EPHA5: variants seen among roughly 807,000 people sequenced by gnomAD.
EPHA5 encodes the protein ephrin type-A receptor 5.
EPHA5 carries 60 observed loss-of-function variants against 105.0 expected under a neutral mutation model. That is an observed-to-expected ratio of 0.57 (90% CI 0.46 to 0.71). The LOEUF (loss-of-function observed/expected upper bound fraction) is 0.71. EPHA5 is among the 30% of genes least tolerant of loss of function. The pLI is 0.00. For missense variants in EPHA5, 1,218 were observed against 1,274.7 expected (o/e 0.96, Z 0.68); for synonymous variants, 513 against 449.1 (o/e 1.14, Z -1.80).
intron 5 of EPHA5, among the ~76,000 whole-genome samples, chr4:65,481,408 TAGG>T (rs1453773744): frequency 6.6e-6 from 1 of 152,188 alleles, no homozygotes; most frequent in Non-Finnish European, 1.5e-5. Flanking sequence ...TTTGGATAAA[TAGG>T]AGGATTCAGG....
intron 3 of EPHA5, among the ~76,000 whole-genome samples, chr4:65,542,678 T>C (rs1401877422): frequency 6.6e-6 from 1 of 151,798 alleles, no homozygotes; most frequent in Non-Finnish European, 1.5e-5. Flanking sequence ...CAAAAACTAT[T>C]GCAAACAATT....
intron 3 of EPHA5, among the ~76,000 whole-genome samples, chr4:65,530,403 C>T (rs1223329670): frequency 1.2e-5 from 1 of 82,702 alleles, no homozygotes; most frequent in Non-Finnish European, 2.4e-5. Flanking sequence ...TGTATGTAAA[C>T]AGGTGTACAT....
chr4:65,324,184 T>C lies in EPHA5; in HGVS notation c.2981A>G (p.His994Arg). The change falls in exon 17 of 17, where the codon CAC (histidine) becomes CGC (arginine). Residue 994 changes from histidine to arginine, a missense_variant. Transcript: ENST00000613740. ...LRRLGVTLVG[H>R]QKKIMNSLQE... ...AAGGCTGTTCATGATCTTCTTCTGG[T>C]GACCGACAAGAGTCACTCCAAGCCG... 1 of 1,609,608 alleles carries C rather than the reference T, an allele frequency of 6.2e-7. No homozygotes were observed. Among genetic ancestry groups the C allele is most frequent in the Non-Finnish European group, 8.5e-7 (1 of 1,177,054 alleles).
intron 3 of EPHA5, among the ~76,000 whole-genome samples, chr4:65,505,444 G>A (rs1215338459): frequency 6.6e-6 from 1 of 151,884 alleles, no homozygotes; most frequent in Non-Finnish European, 1.5e-5. Context: ...AATAAATCCA[G>A]TTTCTTGTGA....
chr4:65,602,388 C>G, intron 2 of EPHA5, 84 bp from the exon 3 acceptor site: 1 of 1,075,964 alleles, frequency 9.3e-7, no homozygotes, highest in South Asian at 1.9e-5. Flanking sequence ...TAAAAGAAAA[C>G]TAACTGAGAT....
At chr4:65,661,468 A>G (rs1027370018) in intron 1 of EPHA5, among the ~76,000 whole-genome samples, 10 of 152,198 alleles carry the variant, frequency 6.6e-5, no homozygotes, top group African/African-American at 2.4e-4. Context: ...TCCTTCAAAC[A>G]CAGCAGTTTT....
intron 3 of EPHA5, among the ~76,000 whole-genome samples, chr4:65,505,999 G>A (rs990283293): frequency 2.0e-5 from 3 of 151,928 alleles, no homozygotes; most frequent in African/African-American, 7.2e-5. Context: ...ATCCCTCCCT[G>A]CTCTGCCCAC....
At chr4:65,420,619 A>G (rs1049685171) in intron 5 of EPHA5, 54 bp from the exon 6 acceptor site, 22 of 1,556,070 alleles carry the variant, frequency 1.4e-5, no homozygotes, top group Non-Finnish European at 1.8e-5. Context: ...CTAAAAGTAA[A>G]CCTGTTATGT....
intron 14 of EPHA5, among the ~76,000 whole-genome samples, chr4:65,343,075 A>G (rs1721886183): frequency 6.6e-6 from 1 of 152,212 alleles, no homozygotes; most frequent in African/African-American, 2.4e-5. Context: ...TGTACTTAGT[A>G]GAATCTATAC....
At chr4:65,668,412 A>G (rs1750143727) in intron 1 of EPHA5, among the ~76,000 whole-genome samples, 1 of 152,060 alleles carries the variant, frequency 6.6e-6, no homozygotes, top group Non-Finnish European at 1.5e-5. Flanking sequence ...CCGAAACCTC[A>G]CCATTCTAGC....
chr4:65,374,495 A>G (rs1718794688), intron 8 of EPHA5, among the ~76,000 whole-genome samples: 1 of 151,958 alleles, frequency 6.6e-6, no homozygotes, highest in Non-Finnish European at 1.5e-5. Context: ...AACATGAAAG[A>G]TCAAAAATTA....
intron 1 of EPHA5, among the ~76,000 whole-genome samples, chr4:65,648,653 C>T (rs914795059): frequency 6.6e-6 from 1 of 152,186 alleles, no homozygotes; most frequent in African/African-American, 2.4e-5. Context: ...TTCTCTTTCT[C>T]TAAAGGCATT....
chr4:65,597,894 A>T (rs185982212), intron 3 of EPHA5, among the ~76,000 whole-genome samples: 1 of 152,264 alleles, frequency 6.6e-6, no homozygotes. Flanking sequence ...GCTGCCTAGC[A>T]TTCTGAATCT....
chr4:65,614,086 TAA>T (rs1210550648), intron 2 of EPHA5, among the ~76,000 whole-genome samples: 7 of 151,964 alleles, frequency 4.6e-5, no homozygotes, highest in Admixed American at 3.3e-4. Context: ...TTAAAAAAAT[TAA>T]GTCTTCACAT....
chr4:65,422,554 C>T (rs1454017633), intron 5 of EPHA5, among the ~76,000 whole-genome samples: 1 of 151,950 alleles, frequency 6.6e-6, no homozygotes, highest in East Asian at 1.9e-4. Context: ...CTATTACTGT[C>T]CCTGTATAAG....
intron 8 of EPHA5, among the ~76,000 whole-genome samples, chr4:65,401,403 A>T (rs13109512): frequency 0.16 from 24,575 of 152,040 alleles, 2,066 homozygotes; most frequent in Middle Eastern, 0.26. Flanking sequence ...AGTTATATTT[A>T]TATAATAAAA....
intron 3 of EPHA5, among the ~76,000 whole-genome samples, chr4:65,566,634 G>A (rs1228335841): frequency 6.6e-6 from 1 of 151,724 alleles, no homozygotes; most frequent in Non-Finnish European, 1.5e-5. Context: ...TAGAGGCACT[G>A]AGCGTATGAG....
At chr4:65,554,378 C>A (rs916355477) in intron 3 of EPHA5, among the ~76,000 whole-genome samples, 1 of 150,700 alleles carries the variant, frequency 6.6e-6, no homozygotes, top group African/African-American at 2.4e-5. Context: ...AATATAAATA[C>A]TATTCAGCTA....
chr4:65,426,955 A>G (rs1193285781), intron 5 of EPHA5, among the ~76,000 whole-genome samples: 2 of 152,110 alleles, frequency 1.3e-5, no homozygotes, highest in Non-Finnish European at 1.5e-5. Context: ...ATGAGTAAAC[A>G]ATGTTATTAA....
Sources: gnomAD v4.1 joint callset for allele counts (sites outside exome capture counted in the v4.1 genomes callset) on GRCh38, gnomAD v4.1.1 for gene constraint, MANE v1.5 for transcripts, NCBI Gene and HGNC (gene_info 2026-07-23, HGNC 2026-07-21) for gene names.